The following EPB41L3 variants were observed in gnomAD, a reference collection of about 807,000 sequenced individuals.
EPB41L3 encodes erythrocyte membrane protein band 4.1 like 3.
EPB41L3 carries 57 observed loss-of-function variants against 127.1 expected under a neutral mutation model. The observed-to-expected ratio is 0.45, with a 90% CI of 0.36 to 0.56. EPB41L3 has a LOEUF of 0.56. Ranked by LOEUF, EPB41L3 falls within the 20% of genes least tolerant of loss-of-function variation. The pLI, the probability that EPB41L3 is intolerant of heterozygous loss-of-function variation, is 0.00. For missense variants in EPB41L3, 1,273 were observed against 1,372.2 expected (o/e 0.93, Z 1.14); for synonymous variants, 572 against 549.5 (o/e 1.04, Z -0.57).
chr18:5,428,243 A>C, intron 9 of EPB41L3, 70 bp downstream of exon 9: 1 of 1,574,896 alleles, frequency 6.3e-7, no homozygotes, highest in Non-Finnish European at 8.7e-7. Context: ...TCATAAGCAG[A>C]TAATTTAAAT....
rs79629518 is a variant in EPB41L3 at position 5,481,812 on chromosome 18, A to G, written c.184-3374T>C. ...CTCATTCAGGACAAGCGGCACTCCC[A>G]TCGCTTACGAGAGCCAAGGTGATCT... On this transcript the variant is annotated intron_variant, in intron 2 of 22. Transcript: ENST00000341928. 8.6e-3 allele frequency among the ~76,000 whole-genome samples: 1,303 copies of G among 152,320 alleles called. 17 individuals are homozygous for G. Among genetic ancestry groups the G allele is most frequent in the African/African-American group, 0.028 (1,170 of 41,572 alleles).
chr18:5,597,539 C>T (rs556428280), intron 3 of EPB41L3, among the ~76,000 whole-genome samples: 10 of 152,170 alleles, frequency 6.6e-5, no homozygotes, highest in African/African-American at 2.4e-4. Flanking sequence ...GGAAAATTTG[C>T]AATTATTCAT....
chr18:5,538,810 T>C (rs2093642502), intron 1 of EPB41L3, among the ~76,000 whole-genome samples: 1 of 152,144 alleles, frequency 6.6e-6, no homozygotes, highest in Admixed American at 6.5e-5. Flanking sequence ...TCTTTTCTCT[T>C]GGTACCTGCA....
chr18:5,565,792 C>T (rs566987351), intron 3 of EPB41L3, among the ~76,000 whole-genome samples: 13 of 151,944 alleles, frequency 8.6e-5, no homozygotes, highest in Non-Finnish European at 1.6e-4. Flanking sequence ...CATGTCCCTG[C>T]AAAAGACATG....
intron 1 of EPB41L3, among the ~76,000 whole-genome samples, chr18:5,623,076 G>C (rs2094883196): frequency 6.9e-6 from 1 of 145,254 alleles, no homozygotes; most frequent in Non-Finnish European, 1.5e-5. Context: ...TCCTGTATGT[G>C]ATGCAGGGAA....
intron 6 of EPB41L3, among the ~76,000 whole-genome samples, chr18:5,435,732 A>T (rs2079677260): frequency 6.6e-6 from 1 of 152,182 alleles, no homozygotes; most frequent in Non-Finnish European, 1.5e-5. Context: ...AGCCTTATGG[A>T]AGTATTTTGA....
chr18:5,605,830 G>A (rs1042512640), intron 3 of EPB41L3, among the ~76,000 whole-genome samples: 15 of 152,284 alleles, frequency 9.9e-5, no homozygotes, highest in African/African-American at 3.4e-4. Context: ...TGCTGTAAGA[G>A]TACCAGGAGG....
chr18:5,403,133 T>C (rs541510133), intron 16 of EPB41L3, among the ~76,000 whole-genome samples: 1 of 152,328 alleles, frequency 6.6e-6, no homozygotes, highest in East Asian at 1.9e-4. Context: ...TGAAAGTCTG[T>C]CATGGGAAAG....
In EPB41L3 at chr18:5,573,972, A is replaced by G. The variant is rs2094310647; in HGVS notation, c.-306+38368T>C. Among the ~76,000 whole-genome samples the G allele has an allele frequency of 4.0e-5, 6 of 149,634 alleles. No homozygotes were observed. In the South Asian group the frequency reaches 1.3e-3, roughly 32 times the overall value. ...GTTGCCCAGGCTGGAGTGCAATGGCACGATCTCGGCTCACTGCAACCTCCA... is the reference window on the plus strand; with the variant it reads ...GTTGCCCAGGCTGGAGTGCAATGGCGCGATCTCGGCTCACTGCAACCTCCA... On this transcript the variant is annotated intron_variant, in intron 3 of 21. Coordinates refer to the EPB41L3 transcript ENST00000545076.
chr18:5,580,163 T>C (rs1280160590), intron 3 of EPB41L3, among the ~76,000 whole-genome samples: 1 of 152,172 alleles, frequency 6.6e-6, no homozygotes, highest in Non-Finnish European at 1.5e-5. Context: ...CACTCATTTA[T>C]GGATAAATAC....
At chr18:5,625,373 CTGACGTTTCCGTGGTG>C (rs2094911739) in intron 1 of EPB41L3, among the ~76,000 whole-genome samples, 1 of 151,976 alleles carries the variant, frequency 6.6e-6, no homozygotes, top group Admixed American at 6.5e-5. Context: ...CACGGGGACC[CTGACGTTTCCGTGGTG>C]TGTGTCTGTC....
chr18:5,605,548 T>C (rs1231894299), intron 3 of EPB41L3, among the ~76,000 whole-genome samples: 1 of 151,922 alleles, frequency 6.6e-6, no homozygotes, highest in Non-Finnish European at 1.5e-5. Context: ...CTGGCTGATG[T>C]TTATTTTATT....
intron 3 of EPB41L3, among the ~76,000 whole-genome samples, chr18:5,455,674 T>G (rs1051183907): frequency 6.6e-6 from 1 of 151,542 alleles, no homozygotes; most frequent in African/African-American, 2.4e-5. Flanking sequence ...CCGTCTCTAC[T>G]TGAAACCAGA....
intron 3 of EPB41L3, among the ~76,000 whole-genome samples, chr18:5,605,940 G>A (rs2094646762): frequency 6.6e-6 from 1 of 152,128 alleles, no homozygotes; most frequent in South Asian, 2.1e-4. Context: ...GGCAGAAGGA[G>A]GAGGATGAAA....
chr18:5,462,070 A>AT (rs1465398772), intron 3 of EPB41L3, among the ~76,000 whole-genome samples: 3 of 152,138 alleles, frequency 2.0e-5, no homozygotes, highest in Non-Finnish European at 4.4e-5. Flanking sequence ...TAAAGGGTTT[A>AT]TTTTTTTCTA....
chr18:5,444,516 G>GT (rs1457551413), intron 4 of EPB41L3, among the ~76,000 whole-genome samples: 1 of 152,198 alleles, frequency 6.6e-6, no homozygotes, highest in Admixed American at 6.5e-5. Context: ...TTCCTTTTCT[G>GT]TATTTCTCAG....
intron 3 of EPB41L3, among the ~76,000 whole-genome samples, chr18:5,475,881 C>T (rs1158606601): frequency 6.6e-6 from 1 of 151,984 alleles, no homozygotes; most frequent in Non-Finnish European, 1.5e-5. Context: ...TCTGTGCCTT[C>T]GTCAAGTCTT....
At chr18:5,517,307 C>A (rs747155667) in intron 1 of EPB41L3, among the ~76,000 whole-genome samples, 1 of 152,188 alleles carries the variant, frequency 6.6e-6, no homozygotes, top group African/African-American at 2.4e-5. Flanking sequence ...CTGGAGCCTG[C>A]CCCAGGACAC....
chr18:5,606,223 T>A (rs2094650156), intron 3 of EPB41L3, among the ~76,000 whole-genome samples: 1 of 151,996 alleles, frequency 6.6e-6, no homozygotes, highest in South Asian at 2.1e-4. Context: ...CCAAAATAAT[T>A]TGGGAAAATA....
Sources: allele counts gnomAD v4.1 joint callset (sites outside exome capture counted in the v4.1 genomes callset), GRCh38; gene constraint gnomAD v4.1.1; transcripts MANE v1.5; gene names NCBI Gene and HGNC (gene_info 2026-07-23, HGNC 2026-07-21).